The following PPP2R3A variants were observed in gnomAD, a reference collection of about 807,000 sequenced individuals.
PPP2R3A encodes the protein protein phosphatase 2 regulatory subunit B''alpha, also known as serine/threonine-protein phosphatase 2A regulatory subunit B'' subunit alpha.
PPP2R3A carries 80 observed loss-of-function variants against 106.9 expected under a neutral mutation model. The ratio of observed to expected loss-of-function variants is 0.75; its 90% CI spans 0.62 to 0.90. The LOEUF (loss-of-function observed/expected upper bound fraction) is 0.90, where lower values mean the gene tolerates loss of function less well. PPP2R3A is among the 40% of genes least tolerant of loss of function. PPP2R3A has a pLI of 0.00. For missense variants in PPP2R3A, 1,386 were observed against 1,350.4 expected (o/e 1.03, Z -0.41); for synonymous variants, 483 against 468.3 (o/e 1.03, Z -0.41).
intron 13 of PPP2R3A, among the ~76,000 whole-genome samples, chr3:136,136,045 C>CAAAAAAAAAA (rs34558229): frequency 1.3e-4 from 3 of 22,378 alleles, no homozygotes; most frequent in Admixed American, 7.3e-4. Flanking sequence ...GACTCCGTCT[C>CAAAAAAAAAA]AAAAAAAAAA....
Position 136,103,282 on chromosome 3 carries a change from A to G in PPP2R3A, c.3128A>G (p.Lys1043Arg). 6.2e-7 allele frequency: 1 copy of G among 1,606,384 alleles called. No individual in the cohort carries two copies. The highest frequency in any genetic ancestry group is 8.5e-7 in the Non-Finnish European group (1 of 1,173,802). Reference protein sequence around the residue: ...VDGKITLRDLKRCRMAHIFYD... With the variant: ...VDGKITLRDLRRCRMAHIFYD... ...GGCAAAATAACTCTAAGAGATCTGA[A>G]GAGGTGCAGAATGGCTCACATCTTC... Residue 1043 changes from lysine to arginine, a missense_variant, in exon 12 of 14, where the codon AAG becomes AGG. Lys to Arg is a conservative substitution (Grantham distance 26). Transcript: ENST00000264977.
intron 2 of PPP2R3A, among the ~76,000 whole-genome samples, chr3:136,020,905 A>G (rs931495756): frequency 4.6e-5 from 7 of 152,130 alleles, no homozygotes; most frequent in Non-Finnish European, 7.4e-5. Context: ...AGTGCTGTAT[A>G]TATAAAGTTA....
rs78122050 is a variant in PPP2R3A at position 135,969,646 on chromosome 3, A to G, written c.-441+3797A>G. 7.7e-3 allele frequency among the ~76,000 whole-genome samples: 1,175 copies of G among 152,334 alleles called. 19 individuals are homozygous for G. Among genetic ancestry groups the G allele is most frequent in the African/African-American group, 0.027 (1,110 of 41,588 alleles). On this transcript the variant is annotated intron_variant, in intron 1 of 13. Transcript: ENST00000264977. ...GTGTAAATTAAAGGCTGTGGATGAA[A>G]TTATCTAGGGCAGTGGTTGCAAAGC...
chr3:136,023,017 T>G, intron 2 of PPP2R3A: 2 of 1,596,060 alleles, frequency 1.3e-6, no homozygotes, highest in Non-Finnish European at 1.7e-6. Flanking sequence ...CTAAATCTGA[T>G]TATCTTCAGA....
At chr3:136,066,541 G>T (rs150059858) in intron 5 of PPP2R3A, among the ~76,000 whole-genome samples, 121 of 152,262 alleles carry the variant, frequency 7.9e-4, no homozygotes, top group Admixed American at 1.7e-3. Flanking sequence ...GGTTTAAGTG[G>T]CTTACAGTTC....
intron 4 of PPP2R3A, among the ~76,000 whole-genome samples, chr3:136,045,404 G>A (rs1288123602): frequency 1.3e-5 from 2 of 152,178 alleles, no homozygotes; most frequent in East Asian, 1.9e-4. Flanking sequence ...CTCAAGTGGC[G>A]GAAGAGCCCT....
chr3:136,102,215 C>G (rs769025448), intron 11 of PPP2R3A, 33 bp downstream of exon 11: 3 of 1,607,288 alleles, frequency 1.9e-6, no homozygotes, highest in African/African-American at 2.7e-5. Flanking sequence ...ATGCACTGTT[C>G]ACCTATGTAT....
chr3:135,974,197 C>T lies in PPP2R3A; in HGVS notation c.-441+8348C>T, dbSNP rs573365764. Among the ~76,000 whole-genome samples the T allele has an allele frequency of 6.6e-5, 10 of 152,304 alleles. No homozygotes were observed. The East Asian group carries it at 1.2e-3, about 18-fold the overall frequency. The stretch of plus-strand genomic sequence containing the variant: ...TGCTAGTTCCTCATGATCTTCCTGA[C>T]GCCTAAAAGTTGGAGCATTACATGG... On this transcript the variant is annotated intron_variant, in intron 1 of 13. Coordinates refer to ENST00000264977, the MANE Select transcript of PPP2R3A (RefSeq NM_002718.5).
intron 1 of PPP2R3A, among the ~76,000 whole-genome samples, chr3:135,971,009 C>T (rs1937232741): frequency 6.6e-6 from 1 of 152,124 alleles, no homozygotes; most frequent in Admixed American, 6.6e-5. Context: ...CTGACATCAT[C>T]CTCCCATTGA....
chr3:135,990,738 A>G (rs546897321), intron 1 of PPP2R3A, among the ~76,000 whole-genome samples: 1 of 152,248 alleles, frequency 6.6e-6, no homozygotes, highest in South Asian at 2.1e-4. Flanking sequence ...GCCTTCATTT[A>G]TAGCCTCACG....
At chr3:136,073,241 A>C (rs1349191622) in intron 6 of PPP2R3A, among the ~76,000 whole-genome samples, 4 of 152,210 alleles carry the variant, frequency 2.6e-5, no homozygotes. Context: ...TGCTGGGATT[A>C]CAGGCATGAG....
At chr3:136,127,125 C>T (rs776321757) in intron 13 of PPP2R3A, among the ~76,000 whole-genome samples, 1 of 152,192 alleles carries the variant, frequency 6.6e-6, no homozygotes, top group Non-Finnish European at 1.5e-5. Flanking sequence ...AGGATCACAG[C>T]TTCTCGCCAG....
chr3:136,061,043 AC>A (rs570365014), intron 5 of PPP2R3A, among the ~76,000 whole-genome samples: 47 of 152,324 alleles, frequency 3.1e-4, no homozygotes, highest in African/African-American at 1.1e-3. Flanking sequence ...GAATAAAAAA[AC>A]AAGAATAAAC....
intron 1 of PPP2R3A, among the ~76,000 whole-genome samples, chr3:135,999,593 T>G (rs1933540469): frequency 6.6e-6 from 1 of 152,066 alleles, no homozygotes; most frequent in African/African-American, 2.4e-5. Context: ...GACTGTAAAT[T>G]TCTCATTGAT....
At chr3:136,145,013 A>T in intron 13 of PPP2R3A, 30 bp from the exon 14 acceptor site, 4 of 1,598,304 alleles carry the variant, frequency 2.5e-6, no homozygotes, top group Non-Finnish European at 3.4e-6. Flanking sequence ...TCAATCAATC[A>T]GTTAATTCAC....
intron 5 of PPP2R3A, among the ~76,000 whole-genome samples, chr3:136,062,519 C>A (rs918733238): frequency 6.6e-6 from 1 of 151,970 alleles, no homozygotes; most frequent in African/African-American, 2.4e-5. Flanking sequence ...GAGATCGAGA[C>A]CATCCTGGCT....
Position 136,146,041 on chromosome 3 carries a change from A to G in PPP2R3A, c.*875A>G, listed in dbSNP as rs573554965. ...AATGATACATTAAAATTCTTACTAG[A>G]TAGATATATTCCTTCCTCCCAGGAG... On this transcript the variant is annotated 3_prime_UTR_variant, in exon 14 of 14. Coordinates refer to ENST00000264977, the MANE Select transcript of PPP2R3A (RefSeq NM_002718.5). The G allele has an allele frequency of 2.0e-5, 3 of 151,612 alleles. No homozygotes were observed. Among genetic ancestry groups the G allele is most frequent in the Non-Finnish European group, 4.4e-5 (3 of 67,598 alleles). The allele number at this position is 151,612 out of a possible 1,614,324, so 9.4% of individuals were successfully genotyped here.
chr3:136,058,711 CAAA>C (rs1226902982), intron 5 of PPP2R3A, among the ~76,000 whole-genome samples: 1 of 152,052 alleles, frequency 6.6e-6, no homozygotes, highest in African/African-American at 2.4e-5. Flanking sequence ...CAATCCTAAG[CAAA>C]AAGAACAAAG....
At chr3:136,048,106 T>C (rs1935537281) in intron 4 of PPP2R3A, among the ~76,000 whole-genome samples, 1 of 151,422 alleles carries the variant, frequency 6.6e-6, no homozygotes, top group South Asian at 2.1e-4. Flanking sequence ...ATAATAAAAG[T>C]TGAAAAAAAA....
Sources: allele counts gnomAD v4.1 joint callset (sites outside exome capture counted in the v4.1 genomes callset), GRCh38; gene constraint gnomAD v4.1.1; transcripts MANE v1.5; gene names NCBI Gene and HGNC (gene_info 2026-07-23, HGNC 2026-07-21).